The following CNTNAP2 variants were observed in gnomAD, a reference collection of about 807,000 sequenced individuals.
The protein encoded by CNTNAP2 is contactin associated protein 2, also known as contactin-associated protein-like 2.
CNTNAP2 carries 98 observed loss-of-function variants against 155.2 expected under a neutral mutation model. The observed-to-expected ratio is 0.63, with a 90% CI of 0.54 to 0.75. The LOEUF (loss-of-function observed/expected upper bound fraction) is 0.75, where lower values mean the gene tolerates loss of function less well. CNTNAP2 is among the 30% of genes least tolerant of loss of function. The probability of loss-of-function intolerance (pLI) is 0.00; values close to 1 mark genes in which losing one functional copy is unlikely to be tolerated. For missense variants in CNTNAP2, 1,727 were observed against 1,688.1 expected, an observed-to-expected ratio of 1.02 and a Z score of -0.40; for synonymous variants, 651 against 631.2, an observed-to-expected ratio of 1.03 and a Z score of -0.47.
intron 1 of CNTNAP2, among the ~76,000 whole-genome samples, chr7:146,690,396 C>A (rs1480564141): frequency 2.0e-5 from 3 of 152,100 alleles, no homozygotes; most frequent in Non-Finnish European, 4.4e-5. Context: ...GGACTTCATT[C>A]CCCTGTGTTC....
intron 8 of CNTNAP2, among the ~76,000 whole-genome samples, chr7:147,135,782 T>TAAA (rs58906795): frequency 7.1e-6 from 1 of 141,334 alleles, no homozygotes; most frequent in African/African-American, 2.6e-5. Flanking sequence ...GCTTTATTCT[T>TAAA]AAAAAAAAAA....
At chr7:147,299,440 T>A (rs1181037899) in intron 8 of CNTNAP2, among the ~76,000 whole-genome samples, 1 of 151,896 alleles carries the variant, frequency 6.6e-6, no homozygotes, top group Non-Finnish European at 1.5e-5. Context: ...GCTGTTTTTT[T>A]TTTTTAATAC....
In CNTNAP2 at chr7:148,374,971, A is replaced by T. The variant is rs555925909; in HGVS notation, c.3476-8678A>T. ...CTTGTTACTTTCAGCAGAGCTTGTT[A>T]TTCTTAGCCCTAAAAAATCATGCCA... On this transcript the variant is annotated intron_variant, in intron 21 of 23. Coordinates refer to ENST00000361727, the MANE Select transcript of CNTNAP2 (RefSeq NM_014141.6). Among the ~76,000 whole-genome samples the T allele has an allele frequency of 2.1e-4, 32 of 152,298 alleles. No individual in the cohort carries two copies. The South Asian group carries it at 6.4e-3, about 31-fold the overall frequency.
intron 9 of CNTNAP2, among the ~76,000 whole-genome samples, chr7:147,300,550 C>A (rs1227019729): frequency 6.6e-6 from 1 of 152,188 alleles, no homozygotes; most frequent in Non-Finnish European, 1.5e-5. Flanking sequence ...ATTCTAAATT[C>A]ATCCTCATAA....
chr7:147,439,210 G>T (rs1338453577), intron 10 of CNTNAP2, among the ~76,000 whole-genome samples: 2 of 151,660 alleles, frequency 1.3e-5, no homozygotes, highest in East Asian at 3.9e-4. Context: ...CTTATTTTTT[G>T]ATGTAGGCAC....
chr7:146,891,855 T>A (rs1002173919), intron 3 of CNTNAP2, among the ~76,000 whole-genome samples: 4 of 152,166 alleles, frequency 2.6e-5, no homozygotes, highest in Non-Finnish European at 4.4e-5. Flanking sequence ...TCCATTTTTT[T>A]ATTCTTGTTA....
At chr7:147,682,774 G>A (rs142262828) in intron 13 of CNTNAP2, among the ~76,000 whole-genome samples, 2,490 of 151,990 alleles carry the variant, frequency 0.016, 223 homozygotes, top group Admixed American at 0.15. Flanking sequence ...TACATCTTCT[G>A]TTCTACATTA....
intron 1 of CNTNAP2, among the ~76,000 whole-genome samples, chr7:146,203,744 C>T (rs547375315): frequency 6.6e-5 from 10 of 152,168 alleles, no homozygotes; most frequent in African/African-American, 1.7e-4. Flanking sequence ...CTGAAGCTAC[C>T]TAGGGACTGC....
At chr7:147,476,716 C>T (rs1302250949) in intron 10 of CNTNAP2, among the ~76,000 whole-genome samples, 4 of 152,030 alleles carry the variant, frequency 2.6e-5, no homozygotes, top group African/African-American at 7.2e-5. Flanking sequence ...CACTTGAAGT[C>T]AGGAGTTCGA....
At chr7:147,035,614 T>C (rs1171132497) in intron 3 of CNTNAP2, among the ~76,000 whole-genome samples, 1 of 152,198 alleles carries the variant, frequency 6.6e-6, no homozygotes, top group Admixed American at 6.5e-5. Context: ...TTCCCACCTA[T>C]GAGACCTGTT....
At chr7:146,840,059 C>G (rs1803691361) in intron 3 of CNTNAP2, among the ~76,000 whole-genome samples, 155 bp downstream of exon 3, 1 of 152,176 alleles carries the variant, frequency 6.6e-6, no homozygotes, top group African/African-American at 2.4e-5. Context: ...AAAGTTTCTT[C>G]AGGCTGTAAT....
chr7:148,355,389 T>C (rs538031031), intron 21 of CNTNAP2, among the ~76,000 whole-genome samples: 91 of 152,084 alleles, frequency 6.0e-4, no homozygotes, highest in African/African-American at 2.1e-3. Flanking sequence ...CATTAACAGA[T>C]TTAATTATAA....
At chr7:148,413,392 C>CAAAAA (rs1184055556) in intron 23 of CNTNAP2, among the ~76,000 whole-genome samples, 3 of 1,650 alleles carry the variant, frequency 1.8e-3, no homozygotes, top group Non-Finnish European at 4.1e-3. Context: ...AACTCCGTCT[C>CAAAAA]AAAAAAAAAA....
intron 3 of CNTNAP2, among the ~76,000 whole-genome samples, chr7:146,933,663 G>C (rs541964151): frequency 6.1e-5 from 9 of 148,702 alleles, no homozygotes; most frequent in East Asian, 3.9e-4. Flanking sequence ...CCTACAAAAT[G>C]GGAGAAAATT....
intron 1 of CNTNAP2, among the ~76,000 whole-genome samples, chr7:146,378,190 A>G (rs1795331060): frequency 6.6e-6 from 1 of 152,220 alleles, no homozygotes; most frequent in African/African-American, 2.4e-5. Context: ...ACAGGTGAAC[A>G]ATAGGTGTAG....
In CNTNAP2 at chr7:146,875,934, C is replaced by CAAAAAAAAAAAAAA. The variant is rs56304234; in HGVS notation, c.402+36044_402+36057dup. Reference sequence around the variant, plus strand: ...CACACACACACACACACATACACAGCAAAAAAAAAAAAAAAAAAAAAAAAA... The same window carrying CAAAAAAAAAAAAAA: ...CACACACACACACACACATACACAGCAAAAAAAAAAAAAAAAAAAAAAAAAAAAAAAAAAAAAAA... On this transcript the variant is annotated intron_variant, in intron 3 of 23. Transcript: ENST00000361727. Among the ~76,000 whole-genome samples, 36 of 55,140 alleles carry CAAAAAAAAAAAAAA rather than the reference C, an allele frequency of 6.5e-4. 1 individual carries two copies. The highest frequency in any genetic ancestry group is 1.0e-3 in the Non-Finnish European group (30 of 29,670). 36.2% of individuals were successfully genotyped at this position (55,140 alleles called of 152,430 possible).
chr7:148,062,577 T>C (rs1379203942), intron 15 of CNTNAP2, among the ~76,000 whole-genome samples: 3 of 152,188 alleles, frequency 2.0e-5, no homozygotes, highest in African/African-American at 7.2e-5. Context: ...ACACACATTC[T>C]TCTAAGATAT....
intron 3 of CNTNAP2, among the ~76,000 whole-genome samples, chr7:146,916,791 G>C (rs1796403504): frequency 6.6e-6 from 1 of 151,766 alleles, no homozygotes; most frequent in South Asian, 2.1e-4. Flanking sequence ...TTTATCTTTT[G>C]TATTTTTTGT....
intron 1 of CNTNAP2, among the ~76,000 whole-genome samples, chr7:146,537,364 T>C (rs528636145): frequency 2.0e-5 from 3 of 152,212 alleles, no homozygotes; most frequent in Middle Eastern, 3.4e-3. Context: ...TACATTTTAA[T>C]CTCCTAAACA....
Sources: allele counts gnomAD v4.1 joint callset (sites outside exome capture counted in the v4.1 genomes callset), GRCh38; gene constraint gnomAD v4.1.1; transcripts MANE v1.5; gene names NCBI Gene and HGNC (gene_info 2026-07-23, HGNC 2026-07-21).